The following SPEN variants were observed in gnomAD, a reference collection of about 807,000 sequenced individuals.
SPEN encodes the protein msx2-interacting protein.
A neutral mutation model predicts 269.9 loss-of-function variants in SPEN; 18 were observed. The observed-to-expected ratio is 0.07, with a 90% CI of 0.05 to 0.10. The LOEUF (loss-of-function observed/expected upper bound fraction) is 0.10. SPEN is among the 10% of genes least tolerant of loss of function. The probability of loss-of-function intolerance (pLI) is 1.00; values close to 1 mark genes in which losing one functional copy is unlikely to be tolerated. For missense variants in SPEN, 3,822 were observed against 4,631.2 expected, an observed-to-expected ratio of 0.83 and a Z score of 5.07; for synonymous variants, 1,726 against 1,765.7, an observed-to-expected ratio of 0.98 and a Z score of 0.56.
rs60772875 is a variant in SPEN, at chr1:15,926,969, G to A, written c.1851-1122G>A. Among the ~76,000 whole-genome samples, 1,097 of 152,296 alleles carry A rather than the reference G, an allele frequency of 7.2e-3. 23 individuals carry two copies. The highest frequency in any genetic ancestry group is 0.025 in the African/African-American group (1,039 of 41,542). On this transcript the variant is annotated intron_variant, in intron 10 of 14. Transcript: ENST00000375759. ...GGCCTCCCAAAGTGCTGGGATTACA[G>A]GCATGAGCCACCGTGTCCGGCCAAG...
At chr1:15,915,921 G>A (rs1028228862) in intron 5 of SPEN, among the ~76,000 whole-genome samples, 2 of 151,910 alleles carry the variant, frequency 1.3e-5, no homozygotes, top group African/African-American at 2.4e-5. Context: ...TTTTTGAAAC[G>A]TTTATTTAGC....
At chr1:15,881,021 T>C (rs2070682762) in intron 3 of SPEN, among the ~76,000 whole-genome samples, 1 of 152,012 alleles carries the variant, frequency 6.6e-6, no homozygotes, top group South Asian at 2.1e-4. Flanking sequence ...AGAATCCTGC[T>C]CTGTTGCCCA....
At chr1:15,865,425 T>G (rs1002757981) in intron 1 of SPEN, among the ~76,000 whole-genome samples, 12 of 149,380 alleles carry the variant, frequency 8.0e-5, no homozygotes, top group Admixed American at 4.0e-4. Flanking sequence ...TGCCTGTTTT[T>G]TTTTTTTTTT....
In SPEN at chr1:15,929,667, C is replaced by T. The variant is rs145802445; in HGVS notation, c.3427C>T (p.Arg1143Cys). 2.8e-4 allele frequency: 452 copies of T among 1,614,024 alleles called. 4 individuals carry two copies. Among genetic ancestry groups the T allele is most frequent in the Middle Eastern group, 2.3e-3 (14 of 6,062 alleles). Residue 1143 changes from arginine (R) to cysteine (C), a missense_variant, in exon 11 of 15, where the codon CGT becomes TGT. Around this residue, in one of 16 missense-constraint regions of SPEN, gnomAD observed 572 missense variants for 582.6 expected, o/e 0.98. Coordinates refer to ENST00000375759, the MANE Select transcript of SPEN (RefSeq NM_015001.3). This position sits in a 1 kb window ranked among gnomAD's most constrained non-coding sequence, Gnocchi z 5.8. ...CAGTCTTCGTGATGAAACACCTGAACGTAAATCAGGCCAAGAGAAATCACA... is the reference window on the plus strand; with the variant it reads ...CAGTCTTCGTGATGAAACACCTGAATGTAAATCAGGCCAAGAGAAATCACA... ...YCSLRDETPE[R>C]KSGQEKSHSV...
At chr1:15,890,871 G>A (rs1307004602) in intron 3 of SPEN, among the ~76,000 whole-genome samples, 3 of 152,000 alleles carry the variant, frequency 2.0e-5, no homozygotes, top group Non-Finnish European at 4.4e-5. Flanking sequence ...ACCATATTGC[G>A]GTCTTTTGTG....
At chr1:15,878,491 T>C (rs2070654526) in intron 3 of SPEN, among the ~76,000 whole-genome samples, 1 of 152,234 alleles carries the variant, frequency 6.6e-6, no homozygotes, top group Non-Finnish European at 1.5e-5. Flanking sequence ...TCAAGCCGTG[T>C]GACATGGATG....
intron 3 of SPEN, among the ~76,000 whole-genome samples, chr1:15,885,152 A>G (rs1424246521): frequency 6.6e-6 from 1 of 152,206 alleles, no homozygotes; most frequent in Non-Finnish European, 1.5e-5. Context: ...TGAATAGGCA[A>G]ATAATTTCTG....
Position 15,938,742 on chromosome 1 carries a change from C to G in SPEN, c.10729C>G (p.Leu3577Val). The G allele has an allele frequency of 6.2e-7, 1 of 1,613,794 alleles. No homozygotes were observed. The highest frequency in any genetic ancestry group is 8.5e-7 in the Non-Finnish European group (1 of 1,179,966). ...MTVETDYCLL[L>V]ALPCGRDQED... ...GGTGGAGACAGATTACTGTCTGCTG[C>G]TGGCTCTGCCCTGTGGCCGTGACCA... The change falls in exon 14 of 15, where the codon CTG becomes GTG. Residue 3577 changes from leucine to valine, a missense_variant. Transcript: ENST00000375759.
intron 1 of SPEN, among the ~76,000 whole-genome samples, chr1:15,851,242 C>A (rs1453799276): frequency 1.3e-5 from 2 of 152,110 alleles, no homozygotes; most frequent in Admixed American, 1.3e-4. Context: ...AAGACCAAAT[C>A]CTTAAAACAT....
intron 1 of SPEN, among the ~76,000 whole-genome samples, chr1:15,853,146 C>G (rs1409004184): frequency 6.6e-6 from 1 of 151,794 alleles, no homozygotes; most frequent in East Asian, 1.9e-4. Context: ...GCCAGCTTGC[C>G]CAGCCTTTGC....
Position 15,937,358 on chromosome 1 carries a change from C to T in SPEN, c.10222C>T (p.Pro3408Ser), listed in dbSNP as rs777908524. ...GVEQPRLPAG[P>S]ANRPPEPHTQ... ...AGAGCAGCCTCGCCTCCCAGCTGGA[C>T]CTGCAAACAGGCCACCTGAGCCTCA... The change falls in exon 12 of 15, where the codon CCT becomes TCT. Residue 3408 changes from proline (P) to serine (S), a missense_variant. This residue lies in a region of SPEN where 359 missense variants were observed against 377.3 expected (regional missense o/e 0.95). Transcript: ENST00000375759. This position sits in a 1 kb window ranked among gnomAD's most constrained non-coding sequence, Gnocchi z 5.7. 5.6e-6 allele frequency: 9 copies of T among 1,613,952 alleles called. No individual in the cohort carries two copies. In the South Asian group the frequency reaches 7.7e-5, roughly 14 times the overall value.
intron 3 of SPEN, among the ~76,000 whole-genome samples, chr1:15,904,477 A>G (rs927961278): frequency 1.4e-5 from 2 of 137,948 alleles, no homozygotes; most frequent in African/African-American, 5.2e-5. Context: ...AAAAAAAAAA[A>G]GTGAACTAAA....
At chr1:15,855,989 A>AC (rs201960578) in intron 1 of SPEN, among the ~76,000 whole-genome samples, 96,707 of 119,912 alleles carry the variant, frequency 0.81, 39,506 homozygotes, top group Middle Eastern at 0.91. Context: ...GGATGCTAGA[A>AC]CTTTTTTTTT....
rs774187030 is a variant in SPEN at position 15,922,323 on chromosome 1, C to G, written c.1824C>G (p.Asp608Glu). Residue 608 changes from aspartate (D) to glutamate (E), a missense_variant, in exon 10 of 15, where the codon GAC (aspartate) becomes GAG (glutamate). Coordinates refer to ENST00000375759, the MANE Select transcript of SPEN (RefSeq NM_015001.3). ...AGAAATCTGGTCAAGACATCAGAGACTTTTATGAAATGTTAGCCGAAAGAA... is the reference window on the plus strand; with the variant it reads ...AGAAATCTGGTCAAGACATCAGAGAGTTTTATGAAATGTTAGCCGAAAGAA... ...CMEKSGQDIRDFYEMLAERRE... is the reference protein window; with the variant it reads ...CMEKSGQDIREFYEMLAERRE... 1.2e-6 allele frequency: 2 copies of G among 1,606,112 alleles called. No homozygotes were observed. The highest frequency in any genetic ancestry group is 2.2e-5 in the East Asian group (1 of 44,704).
At chr1:15,852,019 A>G (rs576685169) in intron 1 of SPEN, among the ~76,000 whole-genome samples, 1 of 152,286 alleles carries the variant, frequency 6.6e-6, no homozygotes, top group East Asian at 1.9e-4. Flanking sequence ...TAAAAATGTA[A>G]TTTGTTTTTG....
intron 14 of SPEN, 40 bp downstream of exon 14, chr1:15,938,916 A>G (rs1459812852): frequency 6.2e-7 from 1 of 1,600,346 alleles, no homozygotes; most frequent in South Asian, 1.1e-5. Flanking sequence ...GTACACCCAC[A>G]GGTGGGGCTG....
chr1:15,876,159 T>A (rs201602541), intron 2 of SPEN, 43 bp from the exon 3 acceptor site: 8 of 1,503,294 alleles, frequency 5.3e-6, no homozygotes, highest in African/African-American at 2.8e-5. Flanking sequence ...TTAGTTTTGC[T>A]TGCTCCTTTC....
At chr1:15,888,793 A>G (rs575068507) in intron 3 of SPEN, among the ~76,000 whole-genome samples, 486 of 151,678 alleles carry the variant, frequency 3.2e-3, no homozygotes, top group Middle Eastern at 0.01. Flanking sequence ...CACCATGCCC[A>G]GCTAATTTTG....
At chr1:15,872,520 A>G (rs930906551) in intron 1 of SPEN, among the ~76,000 whole-genome samples, 5 of 151,702 alleles carry the variant, frequency 3.3e-5, no homozygotes, top group African/African-American at 1.2e-4. Flanking sequence ...GAATGGCGTG[A>G]ACCCCAGAGG....
Sources: gnomAD v4.1 joint callset for allele counts (sites outside exome capture counted in the v4.1 genomes callset) on GRCh38, gnomAD v4.1.1 for gene constraint, gnomAD v4.1.1 regional missense constraint, Gnocchi (gnomAD v3.1) non-coding constraint, MANE v1.5 for transcripts, NCBI Gene and HGNC (gene_info 2026-07-23, HGNC 2026-07-21) for gene names.